Variants in ARHGEF3 observed in about 807,000 individuals in gnomAD.
The protein encoded by ARHGEF3 is 59.8 kDA protein.
In ARHGEF3, 28 loss-of-function variants were observed where a neutral mutation model predicts 63.2. The observed-to-expected ratio is 0.44, with a 90% confidence interval of 0.33 to 0.61. The LOEUF is 0.61. Among genes scored for constraint, ARHGEF3 ranks in the 20% least tolerant of loss-of-function variants. ARHGEF3 has a pLI of 0.03. For synonymous variants in ARHGEF3, 266 were observed against 254.2 expected, an observed-to-expected ratio of 1.05 and a Z score of -0.44; for missense variants, 533 against 659.3, an observed-to-expected ratio of 0.81 and a Z score of 2.10.
chr3:57,043,204 C>A (rs1704301610), intron 1 of ARHGEF3, among the ~76,000 whole-genome samples: 1 of 151,830 alleles, frequency 6.6e-6, no homozygotes, highest in South Asian at 2.1e-4. Flanking sequence ...ACAACCTCCA[C>A]CTCCTGTGTT....
intron 3 of ARHGEF3, among the ~76,000 whole-genome samples, chr3:56,885,227 G>C (rs1042668915): frequency 1.3e-5 from 2 of 152,152 alleles, no homozygotes; most frequent in African/African-American, 4.8e-5. Flanking sequence ...GCCTTGGGAG[G>C]CTACAGTATT....
chr3:56,943,460 T>A (rs1289433185), intron 3 of ARHGEF3, among the ~76,000 whole-genome samples: 2 of 152,186 alleles, frequency 1.3e-5, no homozygotes, highest in East Asian at 3.9e-4. Flanking sequence ...AGATTACTTT[T>A]AAAATATTAC....
chr3:56,875,546 T>A lies in ARHGEF3; in HGVS notation c.192+6746A>T, dbSNP rs188528469. 9.9e-4 allele frequency among the ~76,000 whole-genome samples: 150 copies of A among 152,256 alleles called. 1 individual carries two copies. The highest frequency in any genetic ancestry group is 3.4e-3 in the African/African-American group (141 of 41,562). ...ACTATACCATATACTATAACAAAAATCAGGAACAGCCTTCTGTACCCGAGT... is the reference window on the plus strand; with the variant it reads ...ACTATACCATATACTATAACAAAAAACAGGAACAGCCTTCTGTACCCGAGT... On this transcript the variant is annotated intron_variant, in intron 4 of 12. Coordinates refer to the ARHGEF3 transcript ENST00000338458.
At chr3:56,864,601 G>T (rs989464033) in intron 4 of ARHGEF3, among the ~76,000 whole-genome samples, 2 of 152,192 alleles carry the variant, frequency 1.3e-5, no homozygotes, top group African/African-American at 2.4e-5. Flanking sequence ...CACCTTGCCT[G>T]GTTTGCTCAC....
intron 7 of ARHGEF3, among the ~76,000 whole-genome samples, chr3:56,740,187 C>CA (rs11459029): frequency 0.39 from 58,533 of 151,660 alleles, 12,127 homozygotes; most frequent in African/African-American, 0.52. Context: ...CATGAGCCAC[C>CA]ATGCCTGGCC....
At chr3:57,010,101 T>C (rs1040098554) in intron 2 of ARHGEF3, among the ~76,000 whole-genome samples, 1 of 152,080 alleles carries the variant, frequency 6.6e-6, no homozygotes, top group East Asian at 1.9e-4. Context: ...ACAGCACACA[T>C]ACCTTAGATA....
intron 2 of ARHGEF3, among the ~76,000 whole-genome samples, chr3:56,773,313 T>C (rs767711893): frequency 2.0e-5 from 3 of 152,128 alleles, no homozygotes; most frequent in Non-Finnish European, 2.9e-5. Context: ...AAACAGGTGG[T>C]GAACTGGATT....
chr3:56,937,486 C>T (rs1294486429), intron 3 of ARHGEF3, among the ~76,000 whole-genome samples: 1 of 152,136 alleles, frequency 6.6e-6, no homozygotes, highest in East Asian at 1.9e-4. Flanking sequence ...GTGTTTGATG[C>T]ACTTATCTTT....
chr3:56,967,906 ATT>A (rs1338327267), intron 2 of ARHGEF3, among the ~76,000 whole-genome samples: 1 of 74,042 alleles, frequency 1.4e-5, no homozygotes, highest in African/African-American at 5.4e-5. Flanking sequence ...TAAATAATAT[ATT>A]ATATATAATA....
chr3:56,798,337 C>G (rs2037470962), intron 1 of ARHGEF3, among the ~76,000 whole-genome samples: 1 of 152,186 alleles, frequency 6.6e-6, no homozygotes. Context: ...TGACCAATAT[C>G]TAAGATGGTA....
chr3:57,057,653 T>C (rs1705003169), intron 1 of ARHGEF3, among the ~76,000 whole-genome samples: 1 of 152,102 alleles, frequency 6.6e-6, no homozygotes, highest in South Asian at 2.1e-4. Context: ...TGTAAAAGTT[T>C]AAATACAAAC....
Position 56,801,911 on chromosome 3 carries a change from G to T in ARHGEF3, c.-113C>A. 1.3e-6 allele frequency: 2 copies of T among 1,538,242 alleles called. No individual in the cohort carries two copies. The highest frequency in any genetic ancestry group is 8.7e-7 in the Non-Finnish European group (1 of 1,143,294). On this transcript the variant is annotated 5_prime_UTR_variant, in exon 1 of 10. Transcript: ENST00000296315. ...GATGCCGGGCGGCGGCGGCGACACG[G>T]AGACCGACAGCCGGCTTCTAGCCGG... is the stretch of plus-strand genomic sequence containing the variant.
intron 2 of ARHGEF3, among the ~76,000 whole-genome samples, chr3:57,029,240 G>C (rs764830060): frequency 6.6e-6 from 1 of 152,122 alleles, no homozygotes; most frequent in Non-Finnish European, 1.5e-5. Context: ...AGACCAGCCT[G>C]ACCAACATGG....
At chr3:57,031,784 C>A (rs1158252006) in intron 2 of ARHGEF3, among the ~76,000 whole-genome samples, 1 of 152,132 alleles carries the variant, frequency 6.6e-6, no homozygotes, top group Admixed American at 6.5e-5. Context: ...AAGGATCAGT[C>A]TCCTAATAAT....
intron 4 of ARHGEF3, chr3:56,882,188 G>A: frequency 8.7e-7 from 1 of 1,149,506 alleles, no homozygotes; most frequent in Admixed American, 2.5e-5. Context: ...TCCATAGTCA[G>A]ATCCTGGAAG....
chr3:56,812,906 G>A (rs533202121), intron 4 of ARHGEF3, among the ~76,000 whole-genome samples: 1 of 152,300 alleles, frequency 6.6e-6, no homozygotes, highest in South Asian at 2.1e-4. Flanking sequence ...GACAATACAT[G>A]GTGAACAAAG....
At chr3:56,800,326 G>A (rs546701936) in intron 1 of ARHGEF3, among the ~76,000 whole-genome samples, 10 of 152,174 alleles carry the variant, frequency 6.6e-5, no homozygotes, top group Non-Finnish European at 1.3e-4. Context: ...AGTTCCCACT[G>A]AAAAAATATT....
chr3:56,731,946 G>C (rs1578354186), intron 9 of ARHGEF3: 3 of 571,726 alleles, frequency 5.2e-6, no homozygotes, highest in Non-Finnish European at 6.2e-6. Context: ...GAAAAAGACA[G>C]AGAAAGGGAA....
intron 3 of ARHGEF3, among the ~76,000 whole-genome samples, chr3:56,898,170 A>G (rs998451427): frequency 4.6e-5 from 7 of 152,026 alleles, no homozygotes; most frequent in African/African-American, 1.7e-4. Context: ...GAGCCACTGC[A>G]CCTGGCCTGT....
Sources: gnomAD v4.1 joint callset for allele counts (sites outside exome capture counted in the v4.1 genomes callset) on GRCh38, gnomAD v4.1.1 for gene constraint, MANE v1.5 for transcripts, NCBI Gene and HGNC (gene_info 2026-07-23, HGNC 2026-07-21) for gene names.